The following TBC1D5 variants were observed in gnomAD, a reference collection of about 807,000 sequenced individuals.
The protein encoded by TBC1D5 is TBC1 domain family member 5, also known as TBC1 domain family, member 5.
TBC1D5 carries 75 observed loss-of-function variants against 100.3 expected under a neutral mutation model. The ratio of observed to expected loss-of-function variants is 0.75; its 90% CI spans 0.62 to 0.91. The LOEUF (loss-of-function observed/expected upper bound fraction) is 0.91. Among genes scored for constraint, TBC1D5 ranks in the 40% least tolerant of loss-of-function variants. The probability of loss-of-function intolerance (pLI) is 0.00; values close to 1 mark genes in which losing one functional copy is unlikely to be tolerated. For missense variants in TBC1D5, 910 were observed against 942.4 expected (o/e 0.97, Z 0.45); for synonymous variants, 323 against 325.6 (o/e 0.99, Z 0.09).
intron 14 of TBC1D5, among the ~76,000 whole-genome samples, chr3:17,292,311 G>T (rs1156296305): frequency 6.6e-6 from 1 of 152,118 alleles, no homozygotes; most frequent in East Asian, 1.9e-4. Flanking sequence ...CATTTATATG[G>T]CTATGTTTAA....
At chr3:17,526,351 G>A (rs1237789628) in intron 2 of TBC1D5, among the ~76,000 whole-genome samples, 2 of 152,060 alleles carry the variant, frequency 1.3e-5, no homozygotes, top group African/African-American at 4.8e-5. Context: ...CCAAGTAGCT[G>A]GGACTACAGA....
At chr3:17,479,912 C>T (rs60993983) in intron 3 of TBC1D5, among the ~76,000 whole-genome samples, 11,643 of 152,132 alleles carry the variant, frequency 0.077, 902 homozygotes, top group African/African-American at 0.2. Context: ...TGGAGCCCCA[C>T]GCTCTGGGGC....
intron 10 of TBC1D5, among the ~76,000 whole-genome samples, chr3:17,375,441 C>A (rs1489423905): frequency 1.3e-5 from 2 of 152,024 alleles, no homozygotes; most frequent in Non-Finnish European, 2.9e-5. Flanking sequence ...GTGGTGCCCG[C>A]CTGTAGTCTC....
chr3:17,541,361 T>C (rs1189315608), intron 2 of TBC1D5, among the ~76,000 whole-genome samples: 4 of 152,176 alleles, frequency 2.6e-5, no homozygotes, highest in Non-Finnish European at 4.4e-5. Context: ...ATTAAATTTA[T>C]ATGGTTTATT....
chr3:17,353,654 T>A (rs1237611805), intron 13 of TBC1D5, among the ~76,000 whole-genome samples: 1 of 152,038 alleles, frequency 6.6e-6, no homozygotes, highest in Non-Finnish European at 1.5e-5. Context: ...AGCCAAAAGG[T>A]TAAGATTCTC....
At chr3:17,660,386 A>AAGTACCTG (rs2066521736) in intron 1 of TBC1D5, among the ~76,000 whole-genome samples, 1 of 152,168 alleles carries the variant, frequency 6.6e-6, no homozygotes, top group Non-Finnish European at 1.5e-5. Context: ...AGTCTCCCTC[A>AAGTACCTG]AGTACCTGAG....
chr3:17,418,700 C>A (rs894553543), intron 4 of TBC1D5, among the ~76,000 whole-genome samples: 1 of 151,896 alleles, frequency 6.6e-6, no homozygotes, highest in Non-Finnish European at 1.5e-5. Context: ...ACACTGTCAC[C>A]ACAATGAAAT....
intron 21 of TBC1D5, among the ~76,000 whole-genome samples, chr3:17,161,904 A>G (rs1203467808): frequency 6.6e-6 from 1 of 152,236 alleles, no homozygotes; most frequent in African/African-American, 2.4e-5. Flanking sequence ...GGTAGGTTCT[A>G]CAAATGTGAA....
At chr3:17,553,905 T>C (rs981248519) in intron 2 of TBC1D5, among the ~76,000 whole-genome samples, 1 of 152,216 alleles carries the variant, frequency 6.6e-6, no homozygotes, top group Non-Finnish European at 1.5e-5. Context: ...TATTTACCAA[T>C]AGGGAACTTG....
At chr3:17,685,911 T>C (rs1560463291) in intron 1 of TBC1D5, among the ~76,000 whole-genome samples, 1 of 152,172 alleles carries the variant, frequency 6.6e-6, no homozygotes. Context: ...TTATTACAGA[T>C]GGCATTTCAT....
intron 2 of TBC1D5, among the ~76,000 whole-genome samples, chr3:17,613,768 T>C (rs1365260072): frequency 6.6e-6 from 1 of 152,240 alleles, no homozygotes; most frequent in Non-Finnish European, 1.5e-5. Context: ...TTAAGTTCTT[T>C]GTAGATTCTG....
At chr3:17,444,074 C>A (rs2094725993) in intron 3 of TBC1D5, among the ~76,000 whole-genome samples, 2 of 151,902 alleles carry the variant, frequency 1.3e-5, no homozygotes, top group South Asian at 4.1e-4. Context: ...TAAAAATTAC[C>A]TAAATAAAAA....
intron 1 of TBC1D5, among the ~76,000 whole-genome samples, chr3:17,680,861 A>G (rs2069354201): frequency 6.6e-6 from 1 of 151,438 alleles, no homozygotes; most frequent in South Asian, 2.1e-4. Context: ...ATAAGGATCT[A>G]TTTAATTAGT....
At chr3:17,343,440 T>C (rs1430828212) in intron 13 of TBC1D5, among the ~76,000 whole-genome samples, 4 of 150,746 alleles carry the variant, frequency 2.7e-5, no homozygotes, top group Non-Finnish European at 5.9e-5. Flanking sequence ...TTTTTGGTTG[T>C]GTCTCTGCCC....
chr3:17,184,242 T>C (rs2068758436), intron 19 of TBC1D5, among the ~76,000 whole-genome samples: 1 of 152,148 alleles, frequency 6.6e-6, no homozygotes, highest in Admixed American at 6.5e-5. Flanking sequence ...ACATGCAAAA[T>C]GAACTTCAAA....
chr3:17,634,779 C>A (rs747335140), intron 1 of TBC1D5, among the ~76,000 whole-genome samples: 4 of 151,836 alleles, frequency 2.6e-5, no homozygotes, highest in Non-Finnish European at 5.9e-5. Context: ...GGATGGATAC[C>A]CAATTTCCGT....
chr3:17,716,992 T>C (rs1298099147), intron 1 of TBC1D5, among the ~76,000 whole-genome samples: 1 of 152,160 alleles, frequency 6.6e-6, no homozygotes, highest in Non-Finnish European at 1.5e-5. Context: ...TAACATGGAC[T>C]TGCTGAGCAT....
intron 3 of TBC1D5, among the ~76,000 whole-genome samples, 187 bp downstream of exon 3, chr3:17,508,287 G>A (rs1466643600): frequency 1.3e-5 from 2 of 152,222 alleles, no homozygotes; most frequent in African/African-American, 2.4e-5. Flanking sequence ...ATGAATAACT[G>A]TGGCTTGTTG....
chr3:17,485,002 A>G (rs911109247), intron 3 of TBC1D5, among the ~76,000 whole-genome samples: 2 of 152,190 alleles, frequency 1.3e-5, no homozygotes, highest in Non-Finnish European at 2.9e-5. Flanking sequence ...TATTTAACAG[A>G]GATATGATAA....
Sources: gnomAD v4.1 joint callset for allele counts (sites outside exome capture counted in the v4.1 genomes callset) on GRCh38, gnomAD v4.1.1 for gene constraint, MANE v1.5 for transcripts, NCBI Gene and HGNC (gene_info 2026-07-23, HGNC 2026-07-21) for gene names.